Variants in PDE6B observed in about 807,000 individuals in gnomAD.
PDE6B encodes the protein rod cGMP-specific 3',5'-cyclic phosphodiesterase subunit beta.
A neutral mutation model predicts 109.0 loss-of-function variants in PDE6B; 106 were observed. That is an observed-to-expected ratio of 0.97 (90% CI 0.83 to 1.14). PDE6B has a LOEUF of 1.14. Among genes scored for constraint, PDE6B ranks in the 50% most tolerant of loss-of-function variants. PDE6B has a pLI of 0.00. For missense variants in PDE6B, 1,193 were observed against 1,155.6 expected, an observed-to-expected ratio of 1.03 and a Z score of -0.47; for synonymous variants, 490 against 471.3, an observed-to-expected ratio of 1.04 and a Z score of -0.51.
chr4:629,098 C>T (rs1734255484), intron 1 of PDE6B, among the ~76,000 whole-genome samples: 5 of 152,330 alleles, frequency 3.3e-5, no homozygotes, highest in East Asian at 3.9e-4. Context: ...ATGGGCCAGC[C>T]GGGTGAGAGG....
At position 625,744 on chromosome 4, in the gene PDE6B, T is replaced by A. The variant is rs1577233563; in HGVS notation, c.118T>A (p.Cys40Ser). Residue 40 changes from cysteine (C) to serine (S), a missense_variant, in exon 1 of 22, where the codon TGC (cysteine) becomes AGC (serine). Coordinates refer to ENST00000496514, the MANE Select transcript of PDE6B (RefSeq NM_000283.4). The surrounding 1 kb of genome is among the most constrained non-coding windows in gnomAD (Gnocchi z 5.0). Reference protein sequence around the residue: ...ENVAAACEDGCPPDCDSLRDL... With the variant: ...ENVAAACEDGSPPDCDSLRDL... ...TGTGGCCGCGGCCTGCGAGGACGGG[T>A]GCCCGCCGGACTGCGACAGCCTCCG... 1 of 1,613,330 alleles carries A rather than the reference T, an allele frequency of 6.2e-7. No individual in the cohort carries two copies.
intron 3 of PDE6B, among the ~76,000 whole-genome samples, chr4:645,777 T>C (rs1193978199): frequency 1.3e-5 from 2 of 151,982 alleles, no homozygotes; most frequent in Non-Finnish European, 2.9e-5. Context: ...TCAGTTATAC[T>C]TGTTTTTCCA....
intron 12 of PDE6B, 163 bp from the exon 13 acceptor site, chr4:661,970 AG>A: frequency 1.5e-6 from 1 of 655,786 alleles, no homozygotes; most frequent in Non-Finnish European, 2.8e-6. Context: ...AGGCCAGCAG[AG>A]GCCAGTGGGA....
In PDE6B at chr4:667,208, C is replaced by T. The variant is rs568542809; in HGVS notation, c.2352+594C>T. ...GATGCCCATAAGAGCCAGCTGCCTCCGGCCACACTCCCTGGTGATGGAATC... is the reference window on the plus strand; with the variant it reads ...GATGCCCATAAGAGCCAGCTGCCTCTGGCCACACTCCCTGGTGATGGAATC... On this transcript the variant is annotated intron_variant, in intron 20 of 21. Transcript: ENST00000496514. Among the ~76,000 whole-genome samples the T allele has an allele frequency of 2.4e-3, 369 of 152,230 alleles. 1 individual carries two copies. The highest frequency in any genetic ancestry group is 8.5e-3 in the African/African-American group (355 of 41,544).
Position 625,831 on chromosome 4 carries a change from A to C in PDE6B, c.205A>C (p.Ser69Arg). ...LLELVQDMQE[S>R]INMERVVFKV... ...GGAGCTGGTGCAGGATATGCAGGAG[A>C]GCATCAACATGGAGCGCGTGGTCTT... Residue 69 changes from serine (S) to arginine (R), a missense_variant, in exon 1 of 22, where the codon AGC (serine) becomes CGC (arginine). Ser to Arg is a moderately radical substitution (Grantham distance 110, BLOSUM62 -1). Coordinates refer to ENST00000496514, the MANE Select transcript of PDE6B (RefSeq NM_000283.4). This position sits in a 1 kb window ranked among gnomAD's most constrained non-coding sequence, Gnocchi z 5.0. 1.2e-6 allele frequency: 2 copies of C among 1,612,978 alleles called. No individual in the cohort carries two copies. The highest frequency in any genetic ancestry group is 1.7e-6 in the Non-Finnish European group (2 of 1,179,890).
rs1228693043 is a variant in PDE6B, at chr4:648,978, G to A, written c.712-4874G>A. Among the ~76,000 whole-genome samples, 2 of 152,236 alleles carry A rather than the reference G, an allele frequency of 1.3e-5. No individual in the cohort carries two copies. The highest frequency in any genetic ancestry group is 4.8e-5 in the African/African-American group (2 of 41,462). On this transcript the variant is annotated intron_variant, in intron 3 of 21. Transcript: ENST00000496514. The surrounding 1 kb of genome is among the most constrained non-coding windows in gnomAD (Gnocchi z 4.5). ...CAGAGCCATTCAGAAGTGAGAGGCG[G>A]CCAGGAGGGGCGGGCGTGGTCTGTC...
At chr4:652,000 G>GCGGCTCCACGACGGTGACTGCGGCCAGGA in intron 3 of PDE6B, 1 of 180,134 alleles carries the variant, frequency 5.6e-6, no homozygotes, top group Non-Finnish European at 1.2e-5. Flanking sequence ...TGCGGCCAGG[G>GCGGCTCCACGACGGTGACTGCGGCCAGGA]CGGCTCCACG....
intron 2 of PDE6B, among the ~76,000 whole-genome samples, 185 bp from the exon 3 acceptor site, chr4:635,695 G>C (rs1734644448): frequency 6.6e-6 from 1 of 152,172 alleles, no homozygotes; most frequent in Admixed American, 6.5e-5. Context: ...AAGAGAGAGA[G>C]ATAGCTTGCG....
At chr4:630,331 T>G (rs1734323360) in intron 1 of PDE6B, among the ~76,000 whole-genome samples, 1 of 151,948 alleles carries the variant, frequency 6.6e-6, no homozygotes, top group African/African-American at 2.4e-5. Context: ...AGGGAGCCGC[T>G]GAGGCTGGAA....
Position 654,211 on chromosome 4 carries a change from C to T in PDE6B, c.927+57C>T, listed in dbSNP as rs572282009. ...CCACACGCCTCTGTTTCCCTGACTC[C>T]AACTCCAGGGCAGGAGAGGGAGGGA... On this transcript the variant is annotated intron_variant, in intron 5 of 21. Transcript: ENST00000496514. The T allele has an allele frequency of 5.5e-5, 75 of 1,368,460 alleles. No homozygotes were observed. The South Asian group carries it at 7.2e-4, about 13-fold the overall frequency. 84.8% of individuals were successfully genotyped at this position (1,368,460 alleles called of 1,614,324 possible).
Position 662,741 on chromosome 4 carries a change from G to A in PDE6B, c.1832+123G>A. 1 of 733,858 alleles carries A rather than the reference G, an allele frequency of 1.4e-6. No individual in the cohort carries two copies. 45.5% of individuals were successfully genotyped at this position (733,858 alleles called of 1,614,324 possible). ...GTCCACGGCCAGGCCCCGTACTCCAGCACTGTGGGAGGCCAAGGCGAGGGG... is the reference window on the plus strand; with the variant it reads ...GTCCACGGCCAGGCCCCGTACTCCAACACTGTGGGAGGCCAAGGCGAGGGG... On this transcript the variant is annotated intron_variant, in intron 14 of 21. Transcript: ENST00000496514. This position sits in a 1 kb window ranked among gnomAD's most constrained non-coding sequence, Gnocchi z 4.3.
rs755871033 is a variant in PDE6B, at chr4:625,963, G to T, written c.337G>T (p.Val113Leu). 3.2e-6 allele frequency: 5 copies of T among 1,585,790 alleles called. No homozygotes were observed. The highest frequency in any genetic ancestry group is 4.3e-6 in the Non-Finnish European group (5 of 1,166,098). Residue 113 changes from valine (V) to leucine (L), a missense_variant, in exon 1 of 22, where the codon GTG becomes TTG. Physicochemically the swap from Val to Leu is conservative, Grantham distance 32. Transcript: ENST00000496514. The surrounding 1 kb of genome is among the most constrained non-coding windows in gnomAD (Gnocchi z 5.0). ...VAELATRLFS[V>L]QPDSVLEDCL... is the part of the protein sequence containing the mutation. ...CGAGCTGGCCACCAGGCTTTTCAGC[G>T]TGCAGCCGGACAGCGTCCTGGAGGA...
Position 653,983 on chromosome 4 carries a change from C to T in PDE6B, c.843C>T (p.Thr281=). The change falls in exon 4 of 22, where the codon ACC becomes ACT. Residue 281 remains threonine, a synonymous_variant. Transcript: ENST00000496514. ...ACTCCGTGGGCCTCCTGGACATGAC[C>T]AAGGAGAAGGTGAGGCTTCCGTGGC... The part of the protein sequence containing the change: ...ERYSVGLLDM[T]KEKEFFDVWS... 1 of 1,613,858 alleles carries T rather than the reference C, an allele frequency of 6.2e-7. No homozygotes were observed. The highest frequency in any genetic ancestry group is 8.5e-7 in the Non-Finnish European group (1 of 1,180,022).
In PDE6B at chr4:662,834, TAAAAAA is replaced by T. The variant is rs36093261; in HGVS notation, c.1832+233_1832+238del. ...GCAAGAGCTCTCCTCTACAAAAACT[TAAAAAA>T]AAAAAAAAAAAAAAAAGCTGTGTAT... On this transcript the variant is annotated intron_variant, in intron 14 of 21. Transcript: ENST00000496514. The surrounding 1 kb of genome is among the most constrained non-coding windows in gnomAD (Gnocchi z 4.3). Among the ~76,000 whole-genome samples the T allele has an allele frequency of 2.1e-3, 190 of 92,134 alleles. No individual in the cohort carries two copies. The highest frequency in any genetic ancestry group is 7.3e-3 in the African/African-American group (176 of 23,986). 60.4% of individuals were successfully genotyped at this position (92,134 alleles called of 152,430 possible).
rs1396674600 is a variant in PDE6B, at chr4:632,150, C to A, written c.469-2527C>A. Among the ~76,000 whole-genome samples, 3 of 151,844 alleles carry A rather than the reference C, an allele frequency of 2.0e-5. No individual in the cohort carries two copies. The East Asian group carries it at 5.9e-4, about 30-fold the overall frequency. ...GGTCATGTTGTGCTCTTTCCAGAAT[C>A]TCTGGTATATGTCCAGGTGTCACGC... On this transcript the variant is annotated intron_variant, in intron 1 of 21. Transcript: ENST00000496514.
intron 21 of PDE6B, 126 bp downstream of exon 21, chr4:668,132 G>C: frequency 1.1e-6 from 1 of 952,192 alleles, no homozygotes; most frequent in Non-Finnish European, 1.6e-6. Flanking sequence ...CCTCGAGGTG[G>C]ACAGGGCCAC....
chr4:649,898 G>A (rs552773788), intron 3 of PDE6B, among the ~76,000 whole-genome samples: 56 of 152,298 alleles, frequency 3.7e-4, no homozygotes, highest in African/African-American at 1.2e-3. Context: ...GGCCATATGC[G>A]TCTCTGTGCC....
intron 1 of PDE6B, among the ~76,000 whole-genome samples, chr4:631,862 G>A (rs536646879): frequency 2.6e-5 from 4 of 151,632 alleles, no homozygotes; most frequent in Admixed American, 6.6e-5. Context: ...GGGTCACGTT[G>A]TGTGGATCTG....
At position 665,468 on chromosome 4, in the gene PDE6B, C is replaced by T; in HGVS notation, c.2268+139C>T. ...GGGTCCTTATCTCACTTTGTGGGATCATGTGACATGCGTGTGGGTGGCTCG... is the reference window on the plus strand; with the variant it reads ...GGGTCCTTATCTCACTTTGTGGGATTATGTGACATGCGTGTGGGTGGCTCG... On this transcript the variant is annotated intron_variant, in intron 19 of 21. Transcript: ENST00000496514. This position sits in a 1 kb window ranked among gnomAD's most constrained non-coding sequence, Gnocchi z 4.0. 1 of 709,744 alleles carries T rather than the reference C, an allele frequency of 1.4e-6. No homozygotes were observed. The highest frequency in any genetic ancestry group is 1.5e-5 in the South Asian group (1 of 66,818). 44.0% of individuals were successfully genotyped at this position (709,744 alleles called of 1,614,324 possible). A position where few individuals can be genotyped will look rare whatever the true frequency, so the allele number is the denominator to read the frequency against.
Sources: gnomAD v4.1 joint callset for allele counts (sites outside exome capture counted in the v4.1 genomes callset) on GRCh38, gnomAD v4.1.1 for gene constraint, Gnocchi (gnomAD v3.1) non-coding constraint, MANE v1.5 for transcripts, NCBI Gene and HGNC (gene_info 2026-07-23, HGNC 2026-07-21) for gene names.